The following C4orf33 variants were observed in gnomAD, a reference collection of about 807,000 sequenced individuals.
The protein encoded by C4orf33 is chromosome 4 open reading frame 33.
In C4orf33, 20 loss-of-function variants were observed where a neutral mutation model predicts 24.3. The observed-to-expected ratio is 0.82, with a 90% CI of 0.58 to 1.19. The LOEUF is 1.19. Ranked by LOEUF, C4orf33 falls within the 50% of genes most tolerant of loss-of-function variation. The pLI is 0.00. For synonymous variants in C4orf33, 67 were observed against 76.4 expected (o/e 0.88, Z 0.64); for missense variants, 207 against 225.9 (o/e 0.92, Z 0.54).
chr4:129,104,959 AGTGTGTGTGTGT>A (rs59872290), intron 2 of C4orf33, among the ~76,000 whole-genome samples: 14 of 149,258 alleles, frequency 9.4e-5, no homozygotes, highest in African/African-American at 2.7e-4. Flanking sequence ...TGTGCATCTG[AGTGTGTGTGTGT>A]GTGTGTGTGT....
At chr4:129,095,922 T>G (rs1027905167), upstream of C4orf33, among the ~76,000 whole-genome samples, 10 of 152,248 alleles carry the variant, frequency 6.6e-5, no homozygotes, top group African/African-American at 1.9e-4. Flanking sequence ...TATTGTAATC[T>G]TAATGATTTA....
intron 2 of C4orf33, among the ~76,000 whole-genome samples, chr4:129,106,182 A>G (rs1056852589): frequency 2.6e-5 from 4 of 152,118 alleles, no homozygotes; most frequent in African/African-American, 9.6e-5. Context: ...GTAATAGGAG[A>G]TAATCATTTA....
chr4:129,099,522 C>A (rs1388787758), intron 1 of C4orf33, among the ~76,000 whole-genome samples: 2 of 147,462 alleles, frequency 1.4e-5, no homozygotes, highest in Admixed American at 1.4e-4. Flanking sequence ...ATTATTCACT[C>A]AACAAATAAA....
intron 5 of C4orf33, among the ~76,000 whole-genome samples, chr4:129,111,083 A>G (rs1480756322): frequency 1.3e-5 from 2 of 152,206 alleles, no homozygotes; most frequent in African/African-American, 4.8e-5. Flanking sequence ...TACATTGGCC[A>G]GGACAGAGCC....
chr4:129,103,589 A>G (rs1753429015), intron 2 of C4orf33, among the ~76,000 whole-genome samples: 1 of 152,136 alleles, frequency 6.6e-6, no homozygotes, highest in Non-Finnish European at 1.5e-5. Context: ...GGTTTGCTCT[A>G]TGATCTCCTT....
chr4:129,094,429 C>T, upstream of C4orf33, among the ~76,000 whole-genome samples: 1 of 152,166 alleles, frequency 6.6e-6, no homozygotes, highest in Non-Finnish European at 1.5e-5. Context: ...AGTAAAGTTT[C>T]ACTAAACAGG....
intron 3 of C4orf33, 26 bp from the exon 4 acceptor site, chr4:129,109,281 C>T (rs1349254946): frequency 6.2e-7 from 1 of 1,604,700 alleles, no homozygotes; most frequent in South Asian, 1.1e-5. Flanking sequence ...TTTTCAAACA[C>T]TCATGAGGAA....
At chr4:129,110,935 C>T (rs921097785) in intron 5 of C4orf33, among the ~76,000 whole-genome samples, 18 of 152,110 alleles carry the variant, frequency 1.2e-4, no homozygotes, top group African/African-American at 4.1e-4. Context: ...ATGAGACAAA[C>T]ATGTAGTTGC....
chr4:129,094,739 T>TA (rs570946814), upstream of C4orf33, among the ~76,000 whole-genome samples: 1 of 152,286 alleles, frequency 6.6e-6, no homozygotes, highest in Non-Finnish European at 1.5e-5. Flanking sequence ...TTCTGATTTT[T>TA]AGTAGCTATA....
intron 1 of C4orf33, 114 bp from the exon 2 acceptor site, chr4:129,102,488 C>T (rs765716823): frequency 1.9e-4 from 138 of 715,628 alleles, no homozygotes; most frequent in Non-Finnish European, 2.9e-4. Flanking sequence ...TGTGCTCTTG[C>T]CACTCTGCTG....
chr4:129,109,558 C>G lies in C4orf33; in HGVS notation c.380C>G (p.Pro127Arg), dbSNP rs1165020031. ...TATCTCCCTTGGAGTTATTTTCCAC[C>G]AAATGTGACAAAATTCAATTCATTT... ...KAYLPWSYFPPNVTKFNSFAI... is the reference protein window; with the variant it reads ...KAYLPWSYFPRNVTKFNSFAI... Residue 127 changes from proline (P) to arginine (R), a missense_variant, in exon 5 of 6, where the codon CCA (proline) becomes CGA (arginine). Transcript: ENST00000425929. 6.2e-7 allele frequency: 1 copy of G among 1,613,758 alleles called. No homozygotes were observed. The highest frequency in any genetic ancestry group is 2.2e-5 in the East Asian group (1 of 44,852).
chr4:129,107,644 A>G (rs1391934734), intron 3 of C4orf33, among the ~76,000 whole-genome samples: 1 of 152,024 alleles, frequency 6.6e-6, no homozygotes, highest in Non-Finnish European at 1.5e-5. Context: ...TTACATTTCA[A>G]CTAACATGCC....
At chr4:129,094,147 A>G (rs1235215716), upstream of C4orf33, 1 of 152,254 alleles carries the variant, frequency 6.6e-6, no homozygotes, top group Admixed American at 6.5e-5. Context: ...TTGCAAATTC[A>G]GCAGCTACTT....
chr4:129,097,816 T>G (rs1756012), intron 1 of C4orf33, among the ~76,000 whole-genome samples: 1 of 152,082 alleles, frequency 6.6e-6, no homozygotes, highest in Non-Finnish European at 1.5e-5. Context: ...TCTCAATGCC[T>G]TCATTAACAC....
chr4:129,105,999 T>A (rs1753506058), intron 2 of C4orf33, among the ~76,000 whole-genome samples: 3 of 152,186 alleles, frequency 2.0e-5, no homozygotes, highest in Admixed American at 2.0e-4. Flanking sequence ...GTTCTGCAGC[T>A]GACTTATCGA....
Position 129,115,804 on chromosome 4 carries a change from A to G in C4orf33, c.*4013A>G, listed in dbSNP as rs1753764102. On this transcript the variant is annotated 3_prime_UTR_variant, in exon 6 of 6. Transcript: ENST00000425929. ...TGCCTAACAAATCTTCTAACTAAAT[A>G]TATATATATATATATATATATATAT... 3.5e-5 allele frequency: 1 copy of G among 28,400 alleles called. No homozygotes were observed. The highest frequency in any genetic ancestry group is 1.4e-4 in the Non-Finnish European group (1 of 7,370). The allele number at this position is 28,400 out of a possible 1,614,324, so 1.8% of individuals were successfully genotyped here.
intron 5 of C4orf33, 95 bp downstream of exon 5, chr4:129,109,767 G>T: frequency 9.3e-7 from 1 of 1,072,488 alleles, no homozygotes. Flanking sequence ...GATCAAAGAA[G>T]ACGACATATG....
rs1463451046 is a variant in C4orf33 at position 129,114,862 on chromosome 4, C to T, written c.*3071C>T. ...TAATGGAAGCAGTATAGAGTATGTC[C>T]TTCCTAGGGGATTCATTGAGTCATC... On this transcript the variant is annotated 3_prime_UTR_variant, in exon 6 of 6. Coordinates refer to ENST00000425929, the MANE Select transcript of C4orf33 (RefSeq NM_001099783.2). 6.6e-6 allele frequency: 1 copy of T among 152,142 alleles called. No homozygotes were observed. The highest frequency in any genetic ancestry group is 6.6e-5 in the Admixed American group (1 of 15,262). The allele number at this position is 152,142 out of a possible 1,614,324, so 9.4% of individuals were successfully genotyped here. A position where few individuals can be genotyped will look rare whatever the true frequency, so the allele number is the denominator to read the frequency against.
rs111685615 is a variant in C4orf33, at chr4:129,115,840, TG to T, written c.*4050del. ...TATATATATATATATAAAATATATA[TG>T]TTTATATATAACATATATATATAGA... On this transcript the variant is annotated 3_prime_UTR_variant, in exon 6 of 6. Coordinates refer to ENST00000425929, the MANE Select transcript of C4orf33 (RefSeq NM_001099783.2). 2 of 141,944 alleles carry T rather than the reference TG, an allele frequency of 1.4e-5. No individual in the cohort carries two copies. Among genetic ancestry groups the T allele is most frequent in the African/African-American group, 5.1e-5 (2 of 39,284 alleles). The allele number at this position is 141,944 out of a possible 1,614,324, so 8.8% of individuals were successfully genotyped here. A position where few individuals can be genotyped will look rare whatever the true frequency, so the allele number is the denominator to read the frequency against.
Sources: allele counts gnomAD v4.1 joint callset (sites outside exome capture counted in the v4.1 genomes callset), GRCh38; gene constraint gnomAD v4.1.1; transcripts MANE v1.5; gene names NCBI Gene and HGNC (gene_info 2026-07-23, HGNC 2026-07-21).